Variants in DPYD observed in about 807,000 individuals in gnomAD.
DPYD encodes dihydropyrimidine dehydrogenase [NADP(+)].
DPYD carries 109 observed loss-of-function variants against 116.2 expected under a neutral mutation model. That is an observed-to-expected ratio of 0.94 (90% CI 0.80 to 1.10). The LOEUF (loss-of-function observed/expected upper bound fraction) is 1.10. Among genes scored for constraint, DPYD ranks in the 50% least tolerant of loss-of-function variants. The probability of loss-of-function intolerance (pLI) is 0.00; values close to 1 mark genes in which losing one functional copy is unlikely to be tolerated. For synonymous variants in DPYD, 440 were observed against 432.0 expected, an observed-to-expected ratio of 1.02 and a Z score of -0.23; for missense variants, 1,302 against 1,254.5, an observed-to-expected ratio of 1.04 and a Z score of -0.57.
intron 21 of DPYD, among the ~76,000 whole-genome samples, chr1:97,087,685 G>A (rs963268338): frequency 6.6e-6 from 1 of 152,086 alleles, no homozygotes; most frequent in Non-Finnish European, 1.5e-5. Flanking sequence ...GCTTTAAAGT[G>A]GTAATGTCTT....
At chr1:97,164,900 C>T (rs886968298) in intron 20 of DPYD, among the ~76,000 whole-genome samples, 10 of 150,564 alleles carry the variant, frequency 6.6e-5, no homozygotes, top group South Asian at 2.1e-4. Flanking sequence ...AGTAGAGATG[C>T]GGTTTCACCA....
intron 14 of DPYD, among the ~76,000 whole-genome samples, chr1:97,444,808 T>A (rs1675987275): frequency 6.6e-6 from 1 of 152,138 alleles, no homozygotes; most frequent in South Asian, 2.1e-4. Flanking sequence ...CTTTATAGAA[T>A]ACAGAAATCC....
At chr1:97,656,639 T>C (rs1244200467) in intron 8 of DPYD, among the ~76,000 whole-genome samples, 1 of 152,130 alleles carries the variant, frequency 6.6e-6, no homozygotes, top group Non-Finnish European at 1.5e-5. Flanking sequence ...CCTTCTGGGC[T>C]TATGATTTTT....
intron 19 of DPYD, among the ~76,000 whole-genome samples, chr1:97,229,471 A>G (rs998070445): frequency 1.3e-5 from 2 of 148,166 alleles, no homozygotes; most frequent in African/African-American, 4.9e-5. Context: ...ATGGAAATAT[A>G]TATTCTCTAC....
chr1:97,132,196 T>A (rs372924449), intron 20 of DPYD, among the ~76,000 whole-genome samples: 22 of 152,220 alleles, frequency 1.4e-4, no homozygotes, highest in African/African-American at 5.3e-4. Flanking sequence ...TTTAGGTCAG[T>A]CAGTCAAATC....
chr1:97,194,340 T>A (rs953217620), intron 19 of DPYD, among the ~76,000 whole-genome samples: 1 of 152,074 alleles, frequency 6.6e-6, no homozygotes, highest in Non-Finnish European at 1.5e-5. Context: ...TTTTCCCCTT[T>A]TCCTTTGCAC....
At position 97,589,460 on chromosome 1, in the gene DPYD, C is replaced by T. The variant is rs190340694; in HGVS notation, c.1128+3758G>A. ...TTTTGCTCAGCACTTCTCCTTCCTG[C>T]CACCTTGTGAAGAAGGTGCCTTGCT... On this transcript the variant is annotated intron_variant, in intron 10 of 22. Coordinates refer to ENST00000370192, the MANE Select transcript of DPYD (RefSeq NM_000110.4). 6.9e-4 allele frequency among the ~76,000 whole-genome samples: 105 copies of T among 152,274 alleles called. 1 individual carries two copies. Among genetic ancestry groups the T allele is most frequent in the Admixed American group, 5.0e-3 (76 of 15,292 alleles).
At position 97,342,333 on chromosome 1, in the gene DPYD, G is replaced by C. The variant is rs977840896; in HGVS notation, c.2058+31228C>G. On this transcript the variant is annotated intron_variant, in intron 16 of 22. Coordinates refer to ENST00000370192, the MANE Select transcript of DPYD (RefSeq NM_000110.4). The stretch of plus-strand genomic sequence containing the variant: ...GAACAACTAATTTAATTTTTCAAAG[G>C]ATGGTTGGAATGGTATTTCAGTGAA... Among the ~76,000 whole-genome samples the C allele has an allele frequency of 6.6e-5, 10 of 152,044 alleles. 1 individual carries two copies. Among genetic ancestry groups the C allele is most frequent in the Admixed American group, 5.2e-4 (8 of 15,254 alleles).
At chr1:97,557,822 G>A (rs1254216254) in intron 11 of DPYD, among the ~76,000 whole-genome samples, 1 of 152,126 alleles carries the variant, frequency 6.6e-6, no homozygotes, top group African/African-American at 2.4e-5. Context: ...CAGCACTTAT[G>A]GATCTCTAGT....
At chr1:97,112,058 TCAA>T (rs1454101353) in intron 20 of DPYD, among the ~76,000 whole-genome samples, 1 of 152,138 alleles carries the variant, frequency 6.6e-6, no homozygotes, top group Non-Finnish European at 1.5e-5. Flanking sequence ...ATTCTTATCA[TCAA>T]CATTATTTTT....
intron 16 of DPYD, among the ~76,000 whole-genome samples, chr1:97,310,711 A>G (rs762500542): frequency 6.6e-6 from 1 of 151,806 alleles, no homozygotes; most frequent in African/African-American, 2.4e-5. Flanking sequence ...AAAGGTAGAC[A>G]TGGACTTACT....
At chr1:97,727,662 C>T (rs537704208) in intron 4 of DPYD, among the ~76,000 whole-genome samples, 6 of 151,914 alleles carry the variant, frequency 3.9e-5, no homozygotes, top group East Asian at 3.9e-4. Flanking sequence ...ATTCACAAGT[C>T]ACCTTTGCAA....
At chr1:97,859,555 A>G (rs6604119) in intron 2 of DPYD, among the ~76,000 whole-genome samples, 148,340 of 152,150 alleles carry the variant, frequency 0.97, 72,434 homozygotes, top group Middle Eastern at 1. Flanking sequence ...TGTACAGCCC[A>G]CCACCACTGG....
chr1:97,863,461 CAGAG>C (rs2101598286), intron 2 of DPYD, among the ~76,000 whole-genome samples: 1 of 151,822 alleles, frequency 6.6e-6, no homozygotes, highest in South Asian at 2.1e-4. Flanking sequence ...AAGATATATA[CAGAG>C]AGGTTTACGG....
intron 12 of DPYD, among the ~76,000 whole-genome samples, chr1:97,526,298 A>G (rs146286836): frequency 6.6e-6 from 1 of 152,202 alleles, no homozygotes; most frequent in East Asian, 1.9e-4. Context: ...CTTTCTTTCT[A>G]TGTACAGCTA....
intron 11 of DPYD, among the ~76,000 whole-genome samples, chr1:97,567,627 T>C (rs150851647): frequency 5.6e-4 from 86 of 152,258 alleles, no homozygotes; most frequent in African/African-American, 2.0e-3. Context: ...CATCCTAACA[T>C]CTTCCTTCCC....
At chr1:97,175,684 C>T (rs1412118109) in intron 20 of DPYD, among the ~76,000 whole-genome samples, 1 of 152,192 alleles carries the variant, frequency 6.6e-6, no homozygotes, top group African/African-American at 2.4e-5. Context: ...CCTTATTCAA[C>T]TGCCACGTTC....
intron 3 of DPYD, among the ~76,000 whole-genome samples, chr1:97,826,693 T>A (rs1250829924): frequency 1.3e-5 from 2 of 152,152 alleles, no homozygotes; most frequent in East Asian, 3.8e-4. Context: ...AATTTCTGCA[T>A]TAGCTTTTTC....
chr1:97,876,825 T>C (rs1441294156), intron 2 of DPYD, among the ~76,000 whole-genome samples: 1 of 152,036 alleles, frequency 6.6e-6, no homozygotes, highest in Non-Finnish European at 1.5e-5. Flanking sequence ...AGGACTTCAG[T>C]GATTGACAGT....
Sources: allele counts gnomAD v4.1 joint callset (sites outside exome capture counted in the v4.1 genomes callset), GRCh38; gene constraint gnomAD v4.1.1; transcripts MANE v1.5; gene names NCBI Gene and HGNC (gene_info 2026-07-23, HGNC 2026-07-21).